The following KCNAB1 variants were observed in gnomAD, a reference collection of about 807,000 sequenced individuals.
KCNAB1 encodes voltage-gated potassium channel subunit beta-1.
KCNAB1 carries 35 observed loss-of-function variants against 64.6 expected under a neutral mutation model. That is an observed-to-expected ratio of 0.54 (90% confidence interval 0.41 to 0.72). The LOEUF (loss-of-function observed/expected upper bound fraction) is 0.72, where lower values mean the gene tolerates loss of function less well. Among genes scored for constraint, KCNAB1 ranks in the 30% least tolerant of loss-of-function variants. The pLI, the probability that KCNAB1 is intolerant of heterozygous loss-of-function variation, is 0.00. For missense variants in KCNAB1, 401 were observed against 512.9 expected (o/e 0.78, Z 2.11); for synonymous variants, 177 against 183.8 (o/e 0.96, Z 0.30).
chr3:156,387,538 C>T (rs1488560415), intron 1 of KCNAB1, among the ~76,000 whole-genome samples: 2 of 152,040 alleles, frequency 1.3e-5, no homozygotes, highest in Non-Finnish European at 2.9e-5. Context: ...AGTGTAATGT[C>T]TTTAGCCATT....
chr3:156,339,912 T>C (rs903420926), intron 1 of KCNAB1, among the ~76,000 whole-genome samples: 4 of 152,240 alleles, frequency 2.6e-5, no homozygotes, highest in South Asian at 2.1e-4. Context: ...GTCTTTTCTG[T>C]CACATTTCCG....
In KCNAB1 at chr3:156,125,587, A is replaced by G. The variant is rs551925952; in HGVS notation, c.275+4701A>G. On this transcript the variant is annotated intron_variant, in intron 1 of 13. Coordinates refer to ENST00000490337, the MANE Select transcript of KCNAB1 (RefSeq NM_172160.3). ...CTGAGATGTGAGTGAAAATTTAGCT[A>G]TAGCATTTTGATACTGATTTTGACC... is the stretch of plus-strand genomic sequence containing the variant. Among the ~76,000 whole-genome samples the G allele has an allele frequency of 1.5e-4, 23 of 152,326 alleles. No homozygotes were observed. The South Asian group carries it at 4.6e-3, about 30-fold the overall frequency.
chr3:156,302,893 A>C (rs2107990869), intron 1 of KCNAB1, among the ~76,000 whole-genome samples: 1 of 152,316 alleles, frequency 6.6e-6, no homozygotes, highest in South Asian at 2.1e-4. Flanking sequence ...GTAATCAGTG[A>C]GATATGGGAA....
chr3:156,410,751 G>A (rs1314928243), intron 1 of KCNAB1, among the ~76,000 whole-genome samples: 2 of 152,170 alleles, frequency 1.3e-5, no homozygotes, highest in African/African-American at 4.8e-5. Flanking sequence ...TGAGTTTGGT[G>A]TCCTTCACTT....
At chr3:156,202,461 A>G (rs1714398530) in intron 1 of KCNAB1, among the ~76,000 whole-genome samples, 1 of 152,184 alleles carries the variant, frequency 6.6e-6, no homozygotes, top group Non-Finnish European at 1.5e-5. Flanking sequence ...ACGATCTGCT[A>G]GGAGTGCACC....
intron 1 of KCNAB1, among the ~76,000 whole-genome samples, chr3:156,397,842 T>G (rs2108183464): frequency 6.6e-6 from 1 of 152,284 alleles, no homozygotes; most frequent in South Asian, 2.1e-4. Flanking sequence ...GAAAAACAAC[T>G]AATAATTGAT....
At chr3:156,447,712 G>A (rs13324719) in intron 2 of KCNAB1, among the ~76,000 whole-genome samples, 33,891 of 151,776 alleles carry the variant, frequency 0.22, 7,145 homozygotes, top group African/African-American at 0.56. Context: ...ATATTGGAGT[G>A]GATTAAGAAA....
intron 1 of KCNAB1, among the ~76,000 whole-genome samples, chr3:156,185,399 G>C (rs758291231): frequency 6.6e-6 from 1 of 152,132 alleles, no homozygotes; most frequent in African/African-American, 2.4e-5. Flanking sequence ...AGCCAGCTGG[G>C]GAGGCACAAC....
At chr3:156,203,231 G>A (rs1230486563) in intron 1 of KCNAB1, among the ~76,000 whole-genome samples, 3 of 152,190 alleles carry the variant, frequency 2.0e-5, no homozygotes, top group East Asian at 1.9e-4. Flanking sequence ...GCAGGGTTGA[G>A]TAGTTGCAAT....
At chr3:156,472,897 A>G (rs1245123575) in intron 7 of KCNAB1, among the ~76,000 whole-genome samples, 1 of 152,136 alleles carries the variant, frequency 6.6e-6, no homozygotes, top group East Asian at 1.9e-4. Context: ...ACAAAATCAC[A>G]CCTGTCTGTG....
chr3:156,531,553 T>A (rs1398063457), intron 13 of KCNAB1, 56 bp downstream of exon 13: 2 of 1,284,966 alleles, frequency 1.6e-6, no homozygotes, highest in Non-Finnish European at 2.3e-6. Flanking sequence ...TTTGAGGCTA[T>A]CTCCAGGCAG....
At chr3:156,224,360 G>A (rs1254224433) in intron 1 of KCNAB1, among the ~76,000 whole-genome samples, 1 of 152,252 alleles carries the variant, frequency 6.6e-6, no homozygotes, top group East Asian at 1.9e-4. Flanking sequence ...GGCCAGCCCA[G>A]AAAGAGGCTC....
chr3:156,145,618 C>T (rs1714994159), intron 1 of KCNAB1, among the ~76,000 whole-genome samples: 1 of 152,146 alleles, frequency 6.6e-6, no homozygotes. Context: ...AAAAAAACAA[C>T]CTCTGTTAAG....
chr3:156,257,573 G>T (rs895346754), intron 1 of KCNAB1, among the ~76,000 whole-genome samples: 1 of 152,114 alleles, frequency 6.6e-6, no homozygotes, highest in African/African-American at 2.4e-5. Flanking sequence ...TTTGAAGCAG[G>T]TTCCTTTTGA....
chr3:156,525,702 G>A (rs1000375981), intron 12 of KCNAB1, among the ~76,000 whole-genome samples: 2 of 152,158 alleles, frequency 1.3e-5, no homozygotes, highest in African/African-American at 4.8e-5. Flanking sequence ...TTTTAGTAGC[G>A]AAGGGGTTTC....
In KCNAB1 at chr3:156,214,560, T is replaced by C. The variant is rs148631388; in HGVS notation, c.275+93674T>C. On this transcript the variant is annotated intron_variant, in intron 1 of 13. Transcript: ENST00000490337. ...AGTCCCCAAACTTCCTGTTATTGCT[T>C]TCCTTTTTGGAAGATGGAGAGATTT... 2.8e-3 allele frequency among the ~76,000 whole-genome samples: 422 copies of C among 152,324 alleles called. 3 individuals carry two copies. Among genetic ancestry groups the C allele is most frequent in the African/African-American group, 9.4e-3 (390 of 41,572 alleles).
intron 1 of KCNAB1, among the ~76,000 whole-genome samples, chr3:156,158,023 G>A (rs1715825889): frequency 1.3e-5 from 2 of 151,718 alleles, no homozygotes; most frequent in Admixed American, 1.3e-4. Context: ...AAATTAGCCG[G>A]GTGCGGTGGC....
At chr3:156,207,922 G>A (rs773919454) in intron 1 of KCNAB1, among the ~76,000 whole-genome samples, 2 of 152,202 alleles carry the variant, frequency 1.3e-5, no homozygotes, top group Non-Finnish European at 2.9e-5. Context: ...GAGCCACAAA[G>A]AGAAAAAGAA....
chr3:156,251,417 C>T (rs1287960491), intron 1 of KCNAB1, among the ~76,000 whole-genome samples: 1 of 152,076 alleles, frequency 6.6e-6, no homozygotes, highest in African/African-American at 2.4e-5. Flanking sequence ...ACGACAACAC[C>T]AGGGCTAAGG....
Sources: allele counts gnomAD v4.1 joint callset (sites outside exome capture counted in the v4.1 genomes callset), GRCh38; gene constraint gnomAD v4.1.1; transcripts MANE v1.5; gene names NCBI Gene and HGNC (gene_info 2026-07-23, HGNC 2026-07-21).